Variants in ZBTB20 observed in about 807,000 individuals in gnomAD.
ZBTB20 encodes the protein zinc finger and BTB domain containing 20.
ZBTB20 carries 9 observed loss-of-function variants against 56.9 expected under a neutral mutation model. That is an observed-to-expected ratio of 0.16 (90% confidence interval 0.10 to 0.28). The LOEUF (loss-of-function observed/expected upper bound fraction) is 0.28, where lower values mean the gene tolerates loss of function less well. Among genes scored for constraint, ZBTB20 ranks in the 10% least tolerant of loss-of-function variants. The pLI, the probability that ZBTB20 is intolerant of heterozygous loss-of-function variation, is 1.00. For missense variants in ZBTB20, 655 were observed against 1,003.0 expected (o/e 0.65, Z 4.69); for synonymous variants, 417 against 420.7 (o/e 0.99, Z 0.11).
At chr3:114,806,906 T>G (rs1043199280) in intron 4 of ZBTB20, among the ~76,000 whole-genome samples, 1 of 151,988 alleles carries the variant, frequency 6.6e-6, no homozygotes, top group Non-Finnish European at 1.5e-5. Flanking sequence ...CCTTGGCACC[T>G]TTGTCAAATT....
intron 5 of ZBTB20, among the ~76,000 whole-genome samples, chr3:114,757,435 T>G (rs1325195973): frequency 6.6e-6 from 1 of 152,190 alleles, no homozygotes; most frequent in African/African-American, 2.4e-5. Context: ...AAATCTTGCA[T>G]AGAACTCTGG....
chr3:114,456,299 T>C (rs898018529), intron 7 of ZBTB20, among the ~76,000 whole-genome samples: 1 of 151,882 alleles, frequency 6.6e-6, no homozygotes. Context: ...CAGAAAAATA[T>C]AATATTGTAG....
intron 7 of ZBTB20, among the ~76,000 whole-genome samples, chr3:114,484,798 A>AGAGT (rs1553726432): frequency 2.0e-5 from 3 of 150,494 alleles, no homozygotes; most frequent in African/African-American, 7.3e-5. Context: ...ATATCAATAG[A>AGAGT]GTGTGTGTGT....
chr3:114,441,580 C>T (rs2090929433), intron 7 of ZBTB20, among the ~76,000 whole-genome samples: 1 of 152,030 alleles, frequency 6.6e-6, no homozygotes, highest in Admixed American at 6.6e-5. Flanking sequence ...CTGCAGTTGC[C>T]ACTCAGACAT....
intron 4 of ZBTB20, among the ~76,000 whole-genome samples, chr3:114,842,066 A>G (rs969032684): frequency 2.2e-4 from 34 of 152,312 alleles, no homozygotes; most frequent in African/African-American, 8.2e-4. Flanking sequence ...CTCAAACAAA[A>G]TTATAAGATA....
chr3:114,369,291 G>T (rs1337016154), intron 10 of ZBTB20, among the ~76,000 whole-genome samples: 4 of 152,110 alleles, frequency 2.6e-5, no homozygotes, highest in Non-Finnish European at 5.9e-5. Context: ...GTATAAAACT[G>T]ATAACATAAC....
chr3:114,896,254 C>T (rs1454384832), intron 4 of ZBTB20, among the ~76,000 whole-genome samples: 4 of 152,094 alleles, frequency 2.6e-5, no homozygotes, highest in Admixed American at 2.6e-4. Flanking sequence ...TGGGTATATA[C>T]TCAAAAGCAT....
intron 7 of ZBTB20, among the ~76,000 whole-genome samples, chr3:114,486,344 G>A (rs917826227): frequency 6.6e-6 from 1 of 151,992 alleles, no homozygotes; most frequent in African/African-American, 2.4e-5. Flanking sequence ...ATAATGTAAT[G>A]ATGAAAAAAT....
chr3:114,690,097 A>G (rs947871486), intron 6 of ZBTB20, among the ~76,000 whole-genome samples: 2 of 152,110 alleles, frequency 1.3e-5, no homozygotes, highest in Non-Finnish European at 2.9e-5. Flanking sequence ...AGGATAGTTT[A>G]TTGCTAATGT....
chr3:114,683,878 A>G (rs2062149250), intron 6 of ZBTB20, among the ~76,000 whole-genome samples: 1 of 152,092 alleles, frequency 6.6e-6, no homozygotes, highest in African/African-American at 2.4e-5. Flanking sequence ...GGACTATGAC[A>G]GGATTCTGAC....
intron 6 of ZBTB20, among the ~76,000 whole-genome samples, chr3:114,598,537 T>C (rs1455532856): frequency 6.6e-6 from 1 of 152,010 alleles, no homozygotes; most frequent in African/African-American, 2.4e-5. Context: ...ACACAAACAT[T>C]TTCTTCTGGA....
intron 3 of ZBTB20, among the ~76,000 whole-genome samples, chr3:114,921,826 C>G (rs1424509033): frequency 6.6e-6 from 1 of 151,990 alleles, no homozygotes; most frequent in South Asian, 2.1e-4. Context: ...AACAAACCTG[C>G]ACGTTGTGCA....
chr3:114,887,305 T>C (rs2107613545), intron 4 of ZBTB20, among the ~76,000 whole-genome samples: 1 of 152,156 alleles, frequency 6.6e-6, no homozygotes, highest in African/African-American at 2.4e-5. Flanking sequence ...TCCATAGATA[T>C]TTACTACCAA....
At chr3:114,860,573 G>T (rs1169641878) in intron 4 of ZBTB20, among the ~76,000 whole-genome samples, 3 of 152,164 alleles carry the variant, frequency 2.0e-5, no homozygotes, top group Non-Finnish European at 4.4e-5. Context: ...CATACTCAAT[G>T]CATCTTACAT....
intron 7 of ZBTB20, among the ~76,000 whole-genome samples, chr3:114,471,508 G>C (rs2040124291): frequency 6.6e-6 from 1 of 152,210 alleles, no homozygotes; most frequent in Admixed American, 6.5e-5. Flanking sequence ...GAGGAAACAA[G>C]GTGGTGGGTC....
At position 114,336,095 on chromosome 3, in the gene ZBTB20, C is replaced by T. The variant is rs2079444738; in HGVS notation, c.*2910G>A. 3 of 152,202 alleles carry T rather than the reference C, an allele frequency of 2.0e-5. No homozygotes were observed. The South Asian group carries it at 6.2e-4, about 32-fold the overall frequency. 9.4% of individuals were successfully genotyped at this position (152,202 alleles called of 1,614,324 possible). On this transcript the variant is annotated 3_prime_UTR_variant, in exon 12 of 12. Transcript: ENST00000675478. Reference sequence around the variant, plus strand: ...ACTTTGCTAAATTTGAACAAAGACACTTTCAAATCTACTGTGAAACAGTTT... The same window carrying T: ...ACTTTGCTAAATTTGAACAAAGACATTTTCAAATCTACTGTGAAACAGTTT...
At chr3:114,874,426 A>T (rs1342320379) in intron 4 of ZBTB20, among the ~76,000 whole-genome samples, 1 of 152,224 alleles carries the variant, frequency 6.6e-6, no homozygotes, top group African/African-American at 2.4e-5. Flanking sequence ...ACATATGAAC[A>T]TATTGCTATA....
chr3:114,427,988 G>A (rs2089827372), intron 7 of ZBTB20, among the ~76,000 whole-genome samples: 1 of 152,162 alleles, frequency 6.6e-6, no homozygotes, highest in African/African-American at 2.4e-5. Flanking sequence ...AAGTCACGGG[G>A]ACTGGGGGGC....
chr3:114,541,683 T>C (rs559045290), intron 6 of ZBTB20, among the ~76,000 whole-genome samples: 17 of 152,248 alleles, frequency 1.1e-4, no homozygotes, highest in African/African-American at 4.1e-4. Flanking sequence ...TTCTTCAACA[T>C]ATGACAAAGC....
Sources: gnomAD v4.1 joint callset for allele counts (sites outside exome capture counted in the v4.1 genomes callset) on GRCh38, gnomAD v4.1.1 for gene constraint, MANE v1.5 for transcripts, NCBI Gene and HGNC (gene_info 2026-07-23, HGNC 2026-07-21) for gene names.